Variants in CDC42BPB observed in about 807,000 individuals in gnomAD.
CDC42BPB encodes serine/threonine-protein kinase MRCK beta.
Under a neutral mutation model 214.9 loss-of-function variants are expected in CDC42BPB, and 37 were observed. The ratio of observed to expected loss-of-function variants is 0.17; its 90% CI spans 0.13 to 0.23. CDC42BPB has a LOEUF of 0.23. Among genes scored for constraint, CDC42BPB ranks in the 10% least tolerant of loss-of-function variants. CDC42BPB has a pLI of 1.00. For missense variants in CDC42BPB, 1,694 were observed against 2,227.0 expected (o/e 0.76, Z 4.82); for synonymous variants, 931 against 884.0 (o/e 1.05, Z -0.94).
intron 20 of CDC42BPB, among the ~76,000 whole-genome samples, chr14:102,961,395 C>T (rs1235529547): frequency 1.3e-5 from 2 of 151,134 alleles, no homozygotes; most frequent in Admixed American, 6.6e-5. Flanking sequence ...AGTGCAGTGG[C>T]GAGATCTCAG....
Position 102,990,023 on chromosome 14 carries a change from G to A in CDC42BPB, c.597-3443C>T, listed in dbSNP as rs531581466. On this transcript the variant is annotated intron_variant, in intron 5 of 36. Coordinates refer to ENST00000361246, the MANE Select transcript of CDC42BPB (RefSeq NM_006035.4). ...TAGCAGAAGACAGCAGACTGGCTAC[G>A]GATCCTGGGTTGCCAGCGGAGGTGG... 8.5e-5 allele frequency among the ~76,000 whole-genome samples: 13 copies of A among 152,288 alleles called. No homozygotes were observed. The East Asian group carries it at 2.1e-3, about 25-fold the overall frequency.
At chr14:103,035,861 A>T (rs968875622) in intron 1 of CDC42BPB, among the ~76,000 whole-genome samples, 4 of 151,638 alleles carry the variant, frequency 2.6e-5, no homozygotes, top group Non-Finnish European at 5.9e-5. Flanking sequence ...AAAATAAAAA[A>T]AAATAAGGCC....
At position 102,946,508 on chromosome 14, in the gene CDC42BPB, C is replaced by T. The variant is rs547912214; in HGVS notation, c.3708G>A (p.Ser1236=). ...VHVPLEAYDS[S]LPLIKAILTA... ...TCAGGATGGCCTTGATGAGAGGCAG[C>T]GAGCTGTCGTAGGCTTCCAAGGGAA... The change falls in exon 28 of 37, where the codon TCG becomes TCA. Residue 1236 remains serine (S), a synonymous_variant. Transcript: ENST00000361246. 7 of 1,612,776 alleles carry T rather than the reference C, an allele frequency of 4.3e-6. No homozygotes were observed. In the Admixed American group the frequency reaches 6.7e-5, roughly 15 times the overall value.
At chr14:102,969,204 C>T (rs1893361006) in intron 14 of CDC42BPB, among the ~76,000 whole-genome samples, 1 of 152,210 alleles carries the variant, frequency 6.6e-6, no homozygotes, top group Non-Finnish European at 1.5e-5. Flanking sequence ...AGGCTAGGGG[C>T]AAAGAACAAG....
intron 1 of CDC42BPB, among the ~76,000 whole-genome samples, chr14:103,028,796 T>C (rs1444045182): frequency 6.6e-6 from 1 of 152,268 alleles, no homozygotes; most frequent in Non-Finnish European, 1.5e-5. Context: ...GGCTGTTATT[T>C]ATTTGTATTT....
At chr14:103,039,929 T>G (rs536851756) in intron 1 of CDC42BPB, among the ~76,000 whole-genome samples, 1 of 152,262 alleles carries the variant, frequency 6.6e-6, no homozygotes, top group East Asian at 1.9e-4. Flanking sequence ...AATTAAAAAG[T>G]TCAGCAATTT....
At chr14:102,934,834 T>A (rs186840349) in intron 36 of CDC42BPB, among the ~76,000 whole-genome samples, 1 of 151,584 alleles carries the variant, frequency 6.6e-6, no homozygotes, top group Admixed American at 6.6e-5. Flanking sequence ...AGTGAAACCC[T>A]GTCTCTGCTA....
At chr14:102,978,361 G>GT (rs1893852041) in intron 8 of CDC42BPB, 156 bp from the exon 9 acceptor site, 1 of 984,674 alleles carries the variant, frequency 1.0e-6, no homozygotes, top group South Asian at 4.7e-5. Context: ...GGGGAGATGA[G>GT]TATAGCAGAT....
intron 2 of CDC42BPB, among the ~76,000 whole-genome samples, chr14:103,010,925 G>A (rs1310919680): frequency 6.6e-6 from 1 of 152,208 alleles, no homozygotes; most frequent in Non-Finnish European, 1.5e-5. Context: ...AGCTACTCGG[G>A]AGGCTGAGGC....
At chr14:102,938,658 T>C (rs1216865185) in intron 34 of CDC42BPB, 1 of 653,004 alleles carries the variant, frequency 1.5e-6, no homozygotes, top group Non-Finnish European at 1.9e-6. Context: ...AGACTGAGTC[T>C]TGCTCTGTCC....
intron 5 of CDC42BPB, among the ~76,000 whole-genome samples, chr14:102,989,802 T>C (rs779485253): frequency 2.0e-5 from 3 of 149,704 alleles, no homozygotes; most frequent in African/African-American, 5.0e-5. Context: ...GAGGTTGCAG[T>C]GAGCCGAGAT....
rs1204680194 is a variant in CDC42BPB at position 102,943,012 on chromosome 14, G to GGA, written c.4408+878_4408+879insTC. Among the ~76,000 whole-genome samples, 3 of 152,332 alleles carry GGA rather than the reference G, an allele frequency of 2.0e-5. No homozygotes were observed. The East Asian group carries it at 5.8e-4, about 29-fold the overall frequency. ...GCCTCCTGAGTAGCTGGGACTACAGGCGCCCGCCACCACGCCCGGCTAATT... is the reference window on the plus strand; with the variant it reads ...GCCTCCTGAGTAGCTGGGACTACAGGGACGCCCGCCACCACGCCCGGCTAATT... On this transcript the variant is annotated intron_variant, in intron 30 of 36. Transcript: ENST00000361246. This position sits in a 1 kb window ranked among gnomAD's most constrained non-coding sequence, Gnocchi z 4.6.
chr14:102,992,991 G>A (rs1228302203), intron 5 of CDC42BPB, among the ~76,000 whole-genome samples: 1 of 151,772 alleles, frequency 6.6e-6, no homozygotes, highest in East Asian at 1.9e-4. Flanking sequence ...ACCACGCCCA[G>A]CTAGTTTTTT....
At chr14:102,982,549 G>C (rs1349334809) in intron 7 of CDC42BPB, among the ~76,000 whole-genome samples, 1 of 152,186 alleles carries the variant, frequency 6.6e-6, no homozygotes, top group Non-Finnish European at 1.5e-5. Context: ...TGGGTGGATT[G>C]CCTGAAGTCA....
rs554529818 is a variant in CDC42BPB at position 102,932,433 on chromosome 14, T to G, written c.*1279A>C. 5.6e-4 allele frequency: 86 copies of G among 152,442 alleles called. No individual in the cohort carries two copies. The highest frequency in any genetic ancestry group is 2.0e-3 in the African/African-American group (83 of 41,552). 9.4% of individuals were successfully genotyped at this position (152,442 alleles called of 1,614,324 possible). ...TTGACAGGTAAATTGTTCAAAAATGTTCTCACAATTCAATAATTAATTACA... is the reference window on the plus strand; with the variant it reads ...TTGACAGGTAAATTGTTCAAAAATGGTCTCACAATTCAATAATTAATTACA... On this transcript the variant is annotated 3_prime_UTR_variant, in exon 37 of 37. Transcript: ENST00000361246.
intron 1 of CDC42BPB, among the ~76,000 whole-genome samples, chr14:103,053,548 T>C (rs576907398): frequency 6.6e-6 from 1 of 151,354 alleles, no homozygotes; most frequent in African/African-American, 2.4e-5. Context: ...GATCACGAGG[T>C]CTGGAGATCG....
chr14:102,961,483 C>T lies in CDC42BPB; in HGVS notation c.2821+1578G>A, dbSNP rs574146147. ...CTGAGTAGCTGGGACTATAGGCATGCCCCACCACGCCCAGCTAATTTTTGT... is the reference window on the plus strand; with the variant it reads ...CTGAGTAGCTGGGACTATAGGCATGTCCCACCACGCCCAGCTAATTTTTGT... On this transcript the variant is annotated intron_variant, in intron 20 of 36. Coordinates refer to ENST00000361246, the MANE Select transcript of CDC42BPB (RefSeq NM_006035.4). Among the ~76,000 whole-genome samples the T allele has an allele frequency of 3.9e-5, 6 of 152,016 alleles. No homozygotes were observed. The South Asian group carries it at 1.0e-3, about 26-fold the overall frequency.
intron 1 of CDC42BPB, among the ~76,000 whole-genome samples, chr14:103,053,827 G>C (rs773493961): frequency 4.0e-5 from 6 of 150,444 alleles, no homozygotes; most frequent in Non-Finnish European, 8.9e-5. Flanking sequence ...AAGAAAATAT[G>C]AGCCAAAAAT....
At chr14:102,972,210 G>A in intron 12 of CDC42BPB, 49 bp from the exon 13 acceptor site, 1 of 1,597,150 alleles carries the variant, frequency 6.3e-7, no homozygotes, top group East Asian at 2.2e-5. Context: ...ACAAAGGCTT[G>A]GAAGGCTGGA....
Sources: allele counts gnomAD v4.1 joint callset (sites outside exome capture counted in the v4.1 genomes callset), GRCh38; gene constraint gnomAD v4.1.1; non-coding constraint Gnocchi (gnomAD v3.1); transcripts MANE v1.5; gene names NCBI Gene and HGNC (gene_info 2026-07-23, HGNC 2026-07-21).